MARCHF1: variants seen among roughly 807,000 people sequenced by gnomAD.
MARCHF1 encodes membrane associated ring-CH-type finger 1, also known as E3 ubiquitin-protein ligase MARCHF1.
MARCHF1 carries 40 observed loss-of-function variants against 54.2 expected under a neutral mutation model. That is an observed-to-expected ratio of 0.74 (90% CI 0.57 to 0.96). The LOEUF (loss-of-function observed/expected upper bound fraction) is 0.96, where lower values mean the gene tolerates loss of function less well. Among genes scored for constraint, MARCHF1 ranks in the 40% least tolerant of loss-of-function variants. The probability of loss-of-function intolerance (pLI) is 0.00; values close to 1 mark genes in which losing one functional copy is unlikely to be tolerated. For synonymous variants in MARCHF1, 236 were observed against 236.3 expected, an observed-to-expected ratio of 1.00 and a Z score of 0.01; for missense variants, 586 against 656.5, an observed-to-expected ratio of 0.89 and a Z score of 1.17.
At chr4:164,123,731 A>C (rs1194698751) in intron 1 of MARCHF1, among the ~76,000 whole-genome samples, 2 of 152,156 alleles carry the variant, frequency 1.3e-5, no homozygotes, top group African/African-American at 4.8e-5. Flanking sequence ...GGTTCTGGAA[A>C]AACTGGATAT....
chr4:164,250,870 T>A (rs1323503662), intron 1 of MARCHF1, among the ~76,000 whole-genome samples: 1 of 152,056 alleles, frequency 6.6e-6, no homozygotes, highest in Non-Finnish European at 1.5e-5. Flanking sequence ...ACGAGAAATA[T>A]CTGAATATAT....
intron 4 of MARCHF1, among the ~76,000 whole-genome samples, chr4:163,744,417 T>C (rs550793190): frequency 6.6e-6 from 1 of 152,216 alleles, no homozygotes; most frequent in African/African-American, 2.4e-5. Flanking sequence ...CTCATGTCCT[T>C]GTCTAGGTAT....
intron 1 of MARCHF1, among the ~76,000 whole-genome samples, chr4:164,371,762 G>A (rs1395435437): frequency 6.6e-6 from 1 of 152,080 alleles, no homozygotes; most frequent in Non-Finnish European, 1.5e-5. Context: ...AAACCAATAT[G>A]GAAAGATAGA....
intron 1 of MARCHF1, among the ~76,000 whole-genome samples, chr4:164,291,968 T>A (rs187924712): frequency 1.3e-5 from 2 of 152,252 alleles, no homozygotes; most frequent in Admixed American, 6.5e-5. Flanking sequence ...ATATTATTGA[T>A]GTTGTCATAC....
At chr4:163,811,120 A>G (rs1449022889) in intron 4 of MARCHF1, among the ~76,000 whole-genome samples, 12 of 152,088 alleles carry the variant, frequency 7.9e-5, no homozygotes, top group African/African-American at 1.7e-4. Flanking sequence ...TCATCTGTTC[A>G]TATCTGGAGC....
chr4:163,545,747 C>G lies in MARCHF1; in HGVS notation c.1192-4G>C, dbSNP rs1738878780. ...TGGTCATCTGTAGTTTCTCCCACTGCAATCAGAAATGAAGGACACAAAACT... is the reference window on the plus strand; with the variant it reads ...TGGTCATCTGTAGTTTCTCCCACTGGAATCAGAAATGAAGGACACAAAACT... On this transcript the variant is annotated splice_polypyrimidine_tract_variant and splice_region_variant and intron_variant, in intron 8 of 9. Transcript: ENST00000514618. The G allele has an allele frequency of 1.2e-6, 2 of 1,612,286 alleles. No homozygotes were observed. Among genetic ancestry groups the G allele is most frequent in the Non-Finnish European group, 1.7e-6 (2 of 1,179,414 alleles).
chr4:163,703,281 G>T (rs1250103394), intron 4 of MARCHF1, among the ~76,000 whole-genome samples: 1 of 151,458 alleles, frequency 6.6e-6, no homozygotes, highest in Non-Finnish European at 1.5e-5. Flanking sequence ...TTCTGCCTTT[G>T]ATTCTGGCAC....
Position 163,610,742 on chromosome 4 carries a change from T to C in MARCHF1, c.1010+1529A>G, listed in dbSNP as rs1741310827. Among the ~76,000 whole-genome samples the C allele has an allele frequency of 1.3e-5, 2 of 152,098 alleles. 1 individual carries two copies. The highest frequency in any genetic ancestry group is 4.1e-4 in the South Asian group (2 of 4,834). Reference sequence around the variant, plus strand: ...AAATTACACGGTGACAGTTTCTTTGTAAATCCCTTTTAAGTCCTTTAGCAT... The same window carrying C: ...AAATTACACGGTGACAGTTTCTTTGCAAATCCCTTTTAAGTCCTTTAGCAT... On this transcript the variant is annotated intron_variant, in intron 7 of 9. Coordinates refer to ENST00000514618, the MANE Select transcript of MARCHF1 (RefSeq NM_001394959.1).
chr4:164,294,865 A>G (rs1734373009), intron 1 of MARCHF1, among the ~76,000 whole-genome samples: 1 of 152,150 alleles, frequency 6.6e-6, no homozygotes, highest in South Asian at 2.1e-4. Context: ...AATATACCCT[A>G]TTGTGACCAT....
intron 1 of MARCHF1, among the ~76,000 whole-genome samples, chr4:164,314,244 G>T (rs988954805): frequency 6.6e-6 from 1 of 152,150 alleles, no homozygotes; most frequent in East Asian, 1.9e-4. Flanking sequence ...CTTTAAGATG[G>T]AGTGTTCGTC....
In MARCHF1 at chr4:164,122,503, G is replaced by A. The variant is rs181198599; in HGVS notation, c.-322-10841C>T. Among the ~76,000 whole-genome samples, 90 of 152,024 alleles carry A rather than the reference G, an allele frequency of 5.9e-4. No individual in the cohort carries two copies. The East Asian group carries it at 0.017, about 28-fold the overall frequency. ...CCATTTGTATAATAAGATTAGGGTG[G>A]GGAGGCCAGCCTTCCCGCATGCTAT... On this transcript the variant is annotated intron_variant, in intron 1 of 9. Coordinates refer to ENST00000514618, the MANE Select transcript of MARCHF1 (RefSeq NM_001394959.1).
At position 164,299,690 on chromosome 4, in the gene MARCHF1, C is replaced by T. The variant is rs530462226; in HGVS notation, c.-323+84180G>A. On this transcript the variant is annotated intron_variant, in intron 1 of 9. Coordinates refer to ENST00000514618, the MANE Select transcript of MARCHF1 (RefSeq NM_001394959.1). ...CATCAATATTGTTTCAACCTATGTT[C>T]CATGATGTTCTAAAGTCTGTCAACA... Among the ~76,000 whole-genome samples, 5 of 152,218 alleles carry T rather than the reference C, an allele frequency of 3.3e-5. No homozygotes were observed. In the South Asian group the frequency reaches 1.0e-3, roughly 32 times the overall value.
intron 3 of MARCHF1, among the ~76,000 whole-genome samples, chr4:163,874,841 A>G (rs1384391169): frequency 2.6e-5 from 4 of 152,140 alleles, no homozygotes; most frequent in Non-Finnish European, 5.9e-5. Context: ...ATGCCCAGAA[A>G]ACTTCTGGAC....
At chr4:163,922,941 C>G (rs1168011794) in intron 3 of MARCHF1, among the ~76,000 whole-genome samples, 1 of 151,826 alleles carries the variant, frequency 6.6e-6, no homozygotes, top group Admixed American at 6.6e-5. Flanking sequence ...ATCAAGTAAT[C>G]AAAAGAAAAT....
rs116569476 is a variant in MARCHF1 at position 163,711,291 on chromosome 4, C to T, written c.112-10428G>A. Among the ~76,000 whole-genome samples, 593 of 152,262 alleles carry T rather than the reference C, an allele frequency of 3.9e-3. 2 individuals are homozygous for T. The highest frequency in any genetic ancestry group is 0.013 in the African/African-American group (560 of 41,548). The stretch of plus-strand genomic sequence containing the variant: ...CTTCCTATAAGTGCTTAACATTCCA[C>T]TGAGTTTTAAGATCTTTATTTTTTT... On this transcript the variant is annotated intron_variant, in intron 4 of 9. Transcript: ENST00000514618.
intron 2 of MARCHF1, among the ~76,000 whole-genome samples, chr4:163,989,286 TGAGAGAGA>T (rs35987221): frequency 5.5e-5 from 8 of 144,814 alleles, no homozygotes; most frequent in Non-Finnish European, 7.5e-5. Flanking sequence ...AATGAGGTGT[TGAGAGAGA>T]GAGAGAGAGA....
In MARCHF1 at chr4:163,670,025, A is replaced by T. The variant is rs367732999; in HGVS notation, c.162+30788T>A. Among the ~76,000 whole-genome samples the T allele has an allele frequency of 7.2e-5, 11 of 152,274 alleles. No individual in the cohort carries two copies. In the East Asian group the frequency reaches 1.9e-3, roughly 27 times the overall value. The stretch of plus-strand genomic sequence containing the variant: ...TAAGATGTCTTTGGAAGGAATCATG[A>T]TCCAAATTACTTAGTCTGTAATTAC... On this transcript the variant is annotated intron_variant, in intron 5 of 9. Coordinates refer to ENST00000514618, the MANE Select transcript of MARCHF1 (RefSeq NM_001394959.1).
chr4:164,213,316 C>T (rs1402378211), intron 1 of MARCHF1, among the ~76,000 whole-genome samples: 2 of 151,582 alleles, frequency 1.3e-5, no homozygotes, highest in Admixed American at 6.6e-5. Context: ...TCACTGAAAG[C>T]TCCGCCTCCC....
At chr4:164,069,714 T>TG (rs1579508607) in intron 2 of MARCHF1, among the ~76,000 whole-genome samples, 1 of 152,182 alleles carries the variant, frequency 6.6e-6, no homozygotes, top group East Asian at 1.9e-4. Flanking sequence ...GCTTCATTCT[T>TG]GAAGTCAGTG....
Sources: allele counts gnomAD v4.1 joint callset (sites outside exome capture counted in the v4.1 genomes callset), GRCh38; gene constraint gnomAD v4.1.1; transcripts MANE v1.5; gene names NCBI Gene and HGNC (gene_info 2026-07-23, HGNC 2026-07-21).